Variants in NOSIP observed in about 807,000 individuals in gnomAD.
NOSIP encodes the protein nitric oxide synthase-interacting protein.
A neutral mutation model predicts 36.4 loss-of-function variants in NOSIP; 25 were observed. The ratio of observed to expected loss-of-function variants is 0.69; its 90% confidence interval spans 0.50 to 0.96. The LOEUF is 0.96. NOSIP is among the 40% of genes least tolerant of loss of function. The probability of loss-of-function intolerance (pLI) is 0.00; values close to 1 mark genes in which losing one functional copy is unlikely to be tolerated. For synonymous variants in NOSIP, 187 were observed against 179.2 expected (o/e 1.04, Z -0.35); for missense variants, 370 against 429.0 (o/e 0.86, Z 1.21).
chr19:49,580,372 G>C (rs1421130722), intron 1 of NOSIP, 143 bp downstream of exon 1: 1 of 151,920 alleles, frequency 6.6e-6, no homozygotes, highest in Non-Finnish European at 1.5e-5. Flanking sequence ...TTCAAACTTG[G>C]GGCGCCCGGA....
At chr19:49,565,971 C>T (rs561117451) in intron 1 of NOSIP, among the ~76,000 whole-genome samples, 103 of 152,152 alleles carry the variant, frequency 6.8e-4, no homozygotes, top group African/African-American at 2.3e-3. Flanking sequence ...ATGTCTAGCA[C>T]GTGTCCAAGG....
chr19:49,576,768 C>T (rs950747781), intron 1 of NOSIP, among the ~76,000 whole-genome samples: 4 of 151,398 alleles, frequency 2.6e-5, no homozygotes, highest in African/African-American at 9.7e-5. Flanking sequence ...CCTGTAATCC[C>T]AGCTACTCGG....
intron 1 of NOSIP, among the ~76,000 whole-genome samples, chr19:49,562,651 C>G (rs982155744): frequency 2.6e-5 from 4 of 151,932 alleles, no homozygotes; most frequent in Non-Finnish European, 5.9e-5. Context: ...GAAGCCGAGG[C>G]GGGGGCGGAT....
At chr19:49,562,316 G>A (rs1046469282) in intron 1 of NOSIP, among the ~76,000 whole-genome samples, 2 of 152,072 alleles carry the variant, frequency 1.3e-5, no homozygotes, top group South Asian at 2.1e-4. Flanking sequence ...TAGAGACGGG[G>A]TTTCACCGTG....
At chr19:49,562,323 C>T (rs923936778) in intron 1 of NOSIP, among the ~76,000 whole-genome samples, 11 of 152,170 alleles carry the variant, frequency 7.2e-5, no homozygotes, top group South Asian at 2.1e-4. Flanking sequence ...GGGGTTTCAC[C>T]GTGTTGGCCA....
chr19:49,558,869 T>G (rs1469486345), intron 4 of NOSIP, 28 bp downstream of exon 4: 1 of 1,590,244 alleles, frequency 6.3e-7, no homozygotes, highest in East Asian at 2.2e-5. Flanking sequence ...CCTGCCTCCG[T>G]GTGCCGCCTC....
chr19:49,566,625 G>C (rs1236916868), intron 1 of NOSIP: 1 of 152,090 alleles, frequency 6.6e-6, no homozygotes, highest in African/African-American at 2.4e-5. Flanking sequence ...AATTTTAAAA[G>C]TGGAATAACT....
Position 49,565,757 on chromosome 19 carries a change from C to CAA in NOSIP, c.-1-5067_-1-5066dup, listed in dbSNP as rs200288824. Among the ~76,000 whole-genome samples the CAA allele has an allele frequency of 2.2e-3, 291 of 130,218 alleles. 2 individuals carry two copies. Among genetic ancestry groups the CAA allele is most frequent in the African/African-American group, 0.012 (278 of 24,056 alleles). 85.4% of individuals were successfully genotyped at this position (130,218 alleles called of 152,430 possible). A position where few individuals can be genotyped will look rare whatever the true frequency, so the allele number is the denominator to read the frequency against. On this transcript the variant is annotated intron_variant, in intron 1 of 8. Transcript: ENST00000596358. ...TGGGCAATAGAGTGAGAACCTGTCT[C>CAA]AAAAGAAAAAAAAAAGAAAGAAAGA...
intron 1 of NOSIP, among the ~76,000 whole-genome samples, chr19:49,567,122 C>CTTTT (rs1234750784): frequency 2.8e-5 from 3 of 108,340 alleles, no homozygotes; most frequent in Non-Finnish European, 5.7e-5. Context: ...AGCCAAAAAA[C>CTTTT]TTTTTTTTTT....
rs369839191 is a variant in NOSIP, at chr19:49,556,594, C to T, written c.680G>A (p.Arg227His). The T allele has an allele frequency of 3.1e-6, 5 of 1,606,474 alleles. No individual in the cohort carries two copies. The highest frequency in any genetic ancestry group is 1.1e-5 in the South Asian group (1 of 91,052). The stretch of plus-strand genomic sequence containing the variant: ...GGGGGTGGCGTTGCTCAGGCTGTCG[C>T]GGGTCACGGCACACACGTAGCGCTC... The part of the protein sequence containing the change: ...RSERYVCAVT[R>H]DSLSNATPCA... Residue 227 changes from arginine (R) to histidine (H), a missense_variant, in exon 7 of 9, where the codon CGC becomes CAC. By Grantham distance (29) the Arg-to-His change is conservative (BLOSUM62 0). Around this residue, in one of 3 missense-constraint regions of NOSIP, gnomAD observed 315 missense variants for 331.9 expected, o/e 0.95. Coordinates refer to ENST00000596358, the MANE Select transcript of NOSIP (RefSeq NM_001270960.2).
intron 4 of NOSIP, chr19:49,557,483 C>G (rs1300729674): frequency 1.8e-5 from 24 of 1,338,126 alleles, no homozygotes; most frequent in Admixed American, 3.2e-5. Context: ...AGCACTATGA[C>G]CTCTCCTGGC....
At chr19:49,567,602 A>G (rs1325316816) in intron 1 of NOSIP, among the ~76,000 whole-genome samples, 1 of 152,174 alleles carries the variant, frequency 6.6e-6, no homozygotes, top group East Asian at 1.9e-4. Flanking sequence ...AAAATGTGCC[A>G]TCAGTGAGAG....
chr19:49,560,131 CGGTGGT>C lies in NOSIP; in HGVS notation c.71-98_71-93del. 1.4e-6 allele frequency: 1 copy of C among 711,694 alleles called. No individual in the cohort carries two copies. Among genetic ancestry groups the C allele is most frequent in the Non-Finnish European group, 2.4e-6 (1 of 418,566 alleles). The allele number at this position is 711,694 out of a possible 1,614,324, so 44.1% of individuals were successfully genotyped here. A position where few individuals can be genotyped will look rare whatever the true frequency, so the allele number is the denominator to read the frequency against. On this transcript the variant is annotated intron_variant, in intron 2 of 8. Transcript: ENST00000596358. The surrounding 1 kb of genome is among the most constrained non-coding windows in gnomAD (Gnocchi z 4.6). Reference sequence around the variant, plus strand: ...CCCAGAGAGAGGCACAGAGACAACGCGGTGGTGGGGGTGGGGGACTCAGAGAGAAAC... The same window carrying C: ...CCCAGAGAGAGGCACAGAGACAACGCGGGGGTGGGGGACTCAGAGAGAAAC...
At chr19:49,568,727 T>C (rs1198427750) in intron 1 of NOSIP, among the ~76,000 whole-genome samples, 2 of 151,078 alleles carry the variant, frequency 1.3e-5, no homozygotes, top group African/African-American at 2.4e-5. Flanking sequence ...GGAAGATTGC[T>C]TAAGGCCAGG....
At position 49,556,423 on chromosome 19, in the gene NOSIP, C is replaced by T. The variant is rs1435309155; in HGVS notation, c.728G>A (p.Gly243Glu). The T allele has an allele frequency of 6.2e-7, 1 of 1,612,716 alleles. No homozygotes were observed. Among genetic ancestry groups the T allele is most frequent in the African/African-American group, 1.3e-5 (1 of 74,864 alleles). Residue 243 changes from glycine to glutamate, a missense_variant and splice_region_variant, in exon 8 of 9, where the codon GGG becomes GAG. By Grantham distance (98) the Gly-to-Glu change is moderately conservative. Coordinates refer to ENST00000596358, the MANE Select transcript of NOSIP (RefSeq NM_001270960.2). ...CACGCATTCGAGGGTGACCACAGCC[C>T]CACTACGGTGAGGCCGAAGGCGGGA... ...ATPCAVLRPS[G>E]AVVTLECVEK...
At chr19:49,557,485 T>C in intron 4 of NOSIP, 1 of 1,330,958 alleles carries the variant, frequency 7.5e-7, no homozygotes, top group Non-Finnish European at 9.7e-7. Flanking sequence ...CACTATGACC[T>C]CTCCTGGCCT....
At chr19:49,570,568 G>A (rs927095742) in intron 1 of NOSIP, among the ~76,000 whole-genome samples, 1 of 151,724 alleles carries the variant, frequency 6.6e-6, no homozygotes, top group African/African-American at 2.4e-5. Flanking sequence ...TGTGCCCCCT[G>A]AGGCAGCCAG....
intron 8 of NOSIP, 130 bp from the exon 9 acceptor site, chr19:49,555,952 G>A (rs371390647): frequency 1.5e-6 from 1 of 663,592 alleles, no homozygotes; most frequent in South Asian, 1.7e-5. Context: ...AGGAGTTGGG[G>A]AGGGGGCGAG....
intron 1 of NOSIP, among the ~76,000 whole-genome samples, chr19:49,580,234 C>T (rs886520874): frequency 1.3e-5 from 2 of 151,884 alleles, no homozygotes; most frequent in African/African-American, 4.8e-5. Context: ...TACAGCAGAA[C>T]TGTAACTCTC....
Sources: allele counts gnomAD v4.1 joint callset (sites outside exome capture counted in the v4.1 genomes callset), GRCh38; gene constraint gnomAD v4.1.1; regional missense constraint gnomAD v4.1.1; non-coding constraint Gnocchi (gnomAD v3.1); transcripts MANE v1.5; gene names NCBI Gene and HGNC (gene_info 2026-07-23, HGNC 2026-07-21).